The following PPP2R2B variants were observed in gnomAD, a reference collection of about 807,000 sequenced individuals.
PPP2R2B encodes serine/threonine-protein phosphatase 2A 55 kDa regulatory subunit B beta isoform.
A neutral mutation model predicts 46.0 loss-of-function variants in PPP2R2B; 5 were observed. The observed-to-expected ratio is 0.11, with a 90% CI of 0.06 to 0.23. The LOEUF (loss-of-function observed/expected upper bound fraction) is 0.23. Ranked by LOEUF, PPP2R2B falls within the 10% of genes least tolerant of loss-of-function variation. The pLI, the probability that PPP2R2B is intolerant of heterozygous loss-of-function variation, is 1.00. For synonymous variants in PPP2R2B, 215 were observed against 206.7 expected (o/e 1.04, Z -0.34); for missense variants, 367 against 575.0 (o/e 0.64, Z 3.70).
chr5:147,081,024 G>A, intron 2 of PPP2R2B: 1 of 1,514,406 alleles, frequency 6.6e-7, no homozygotes, highest in Non-Finnish European at 8.9e-7. Flanking sequence ...AAACTCCCAA[G>A]GAGGCAAGGA....
At chr5:146,838,570 CA>C (rs67308237) in intron 2 of PPP2R2B, among the ~76,000 whole-genome samples, 163 of 97,184 alleles carry the variant, frequency 1.7e-3, no homozygotes, top group Non-Finnish European at 2.1e-3. Context: ...GCCTCCATCT[CA>C]AAAAAAAAAA....
intron 6 of PPP2R2B, among the ~76,000 whole-genome samples, chr5:146,642,798 T>G (rs1581777158): frequency 6.6e-6 from 1 of 152,336 alleles, no homozygotes; most frequent in Non-Finnish European, 1.5e-5. Flanking sequence ...GGCTCGCACC[T>G]GCAATCCCAA....
At chr5:147,058,829 C>A (rs987942298), upstream of PPP2R2B, among the ~76,000 whole-genome samples, 1 of 152,102 alleles carries the variant, frequency 6.6e-6, no homozygotes, top group Admixed American at 6.6e-5. Flanking sequence ...GAAGAGAAAA[C>A]AGGCTGAGGG....
intron 1 of PPP2R2B, among the ~76,000 whole-genome samples, chr5:146,962,534 G>C (rs961211326): frequency 1.3e-5 from 2 of 151,910 alleles, no homozygotes; most frequent in African/African-American, 4.8e-5. Flanking sequence ...GCACACACCT[G>C]TAATCCTAGC....
chr5:146,962,171 C>G (rs1462910898), intron 1 of PPP2R2B, among the ~76,000 whole-genome samples: 1 of 147,806 alleles, frequency 6.8e-6, no homozygotes, highest in East Asian at 2.0e-4. Context: ...ACTCTGAGCC[C>G]TAGAAACACT....
At chr5:147,079,522 G>A (rs1019070058) in intron 2 of PPP2R2B, among the ~76,000 whole-genome samples, 1 of 148,470 alleles carries the variant, frequency 6.7e-6, no homozygotes, top group Non-Finnish European at 1.5e-5. Flanking sequence ...ATCCTGTCAT[G>A]TGGCAACATG....
At chr5:146,701,583 T>C (rs1198423548) in intron 2 of PPP2R2B, among the ~76,000 whole-genome samples, 1 of 152,120 alleles carries the variant, frequency 6.6e-6, no homozygotes, top group Non-Finnish European at 1.5e-5. Context: ...TTAGGATGCT[T>C]GAAGCTTAGA....
At chr5:147,007,949 C>T (rs903617418) in intron 1 of PPP2R2B, among the ~76,000 whole-genome samples, 1 of 152,160 alleles carries the variant, frequency 6.6e-6, no homozygotes, top group African/African-American at 2.4e-5. Flanking sequence ...TGGAAGGAAC[C>T]AATTCCGGAC....
chr5:147,010,923 A>T (rs1486250185), intron 1 of PPP2R2B, among the ~76,000 whole-genome samples: 1 of 152,082 alleles, frequency 6.6e-6, no homozygotes, highest in African/African-American at 2.4e-5. Flanking sequence ...CTGCTCAAAC[A>T]TTCTTCACAC....
At chr5:146,987,880 T>C (rs1323424850) in intron 1 of PPP2R2B, among the ~76,000 whole-genome samples, 4 of 151,910 alleles carry the variant, frequency 2.6e-5, no homozygotes, top group Non-Finnish European at 4.4e-5. Flanking sequence ...AAGAAACTCA[T>C]GTCACTTATA....
At position 146,993,134 on chromosome 5, in the gene PPP2R2B, G is replaced by T. The variant is rs371088468; in HGVS notation, c.79+62531C>A. ...ATTTTTGCATTTTTAGTAGAGACAG[G>T]GTTTCACCATGTTGGCCAGGCTGGT... On this transcript the variant is annotated intron_variant, in intron 1 of 8. Coordinates refer to the PPP2R2B transcript ENST00000336640. Among the ~76,000 whole-genome samples the T allele has an allele frequency of 2.0e-5, 3 of 152,086 alleles. No individual in the cohort carries two copies. In the East Asian group the frequency reaches 5.8e-4, roughly 29 times the overall value.
chr5:146,873,516 CT>C (rs930152924), intron 2 of PPP2R2B, among the ~76,000 whole-genome samples: 7 of 152,096 alleles, frequency 4.6e-5, no homozygotes, highest in Admixed American at 1.3e-4. Flanking sequence ...CTTCTCCAGT[CT>C]TTTTTTCCCC....
chr5:146,638,168 G>A (rs929363998), intron 7 of PPP2R2B, 83 bp downstream of exon 7: 2 of 1,420,300 alleles, frequency 1.4e-6, no homozygotes, highest in East Asian at 2.4e-5. Flanking sequence ...GGTGTAGAAA[G>A]GGAGATCATA....
intron 1 of PPP2R2B, among the ~76,000 whole-genome samples, chr5:146,922,105 T>C (rs751866685): frequency 5.3e-5 from 8 of 152,180 alleles, no homozygotes; most frequent in Non-Finnish European, 7.3e-5. Flanking sequence ...TATGCTAAAC[T>C]GTACCTATCC....
At chr5:146,949,491 T>C (rs750226323) in intron 1 of PPP2R2B, among the ~76,000 whole-genome samples, 3 of 151,996 alleles carry the variant, frequency 2.0e-5, no homozygotes, top group Non-Finnish European at 2.9e-5. Context: ...CCAGTTATAA[T>C]GGTTTTTATC....
intron 2 of PPP2R2B, among the ~76,000 whole-genome samples, chr5:146,850,163 G>T (rs551039587): frequency 6.6e-6 from 1 of 152,298 alleles, no homozygotes; most frequent in South Asian, 2.1e-4. Flanking sequence ...CCATGGGGGA[G>T]CTCATCTTGA....
At chr5:146,677,808 G>A (rs657006) in intron 5 of PPP2R2B, among the ~76,000 whole-genome samples, 36,968 of 151,944 alleles carry the variant, frequency 0.24, 6,589 homozygotes, top group African/African-American at 0.5. Context: ...GATTACAGGC[G>A]TGTACCACCA....
upstream of PPP2R2B, among the ~76,000 whole-genome samples, chr5:147,056,667 G>C (rs1456864641): frequency 6.6e-6 from 1 of 151,796 alleles, no homozygotes; most frequent in Non-Finnish European, 1.5e-5. Flanking sequence ...GATTTCAAAT[G>C]AGAGAGAGAG....
At chr5:147,056,273 T>A, upstream of PPP2R2B, 1 of 232,842 alleles carries the variant, frequency 4.3e-6, no homozygotes, top group Non-Finnish European at 7.0e-6. Flanking sequence ...TCAGGAATAT[T>A]AAAGTACAGT....
Sources: gnomAD v4.1 joint callset for allele counts (sites outside exome capture counted in the v4.1 genomes callset) on GRCh38, gnomAD v4.1.1 for gene constraint, MANE v1.5 for transcripts, NCBI Gene and HGNC (gene_info 2026-07-23, HGNC 2026-07-21) for gene names.